MKLN1: variants seen among roughly 807,000 people sequenced by gnomAD.
MKLN1 encodes the protein muskelin.
A neutral mutation model predicts 99.0 loss-of-function variants in MKLN1; 18 were observed. The observed-to-expected ratio is 0.18, with a 90% CI of 0.13 to 0.27. MKLN1 has a LOEUF of 0.27. Ranked by LOEUF, MKLN1 falls within the 10% of genes least tolerant of loss-of-function variation. MKLN1 has a pLI of 1.00. For synonymous variants in MKLN1, 288 were observed against 293.2 expected, an observed-to-expected ratio of 0.98 and a Z score of 0.18; for missense variants, 621 against 875.9, an observed-to-expected ratio of 0.71 and a Z score of 3.67.
Position 131,189,507 on chromosome 7 carries a change from C to T in MKLN1, c.-296-13350C>T, listed in dbSNP as rs1351156131. On this transcript the variant is annotated intron_variant, in intron 2 of 7. Transcript: ENST00000416992. ...CTTCTTACGGTATTTCAGAATCCCCCTAGAAGTTTTTTATATTAAAAAACA... is the reference window on the plus strand; with the variant it reads ...CTTCTTACGGTATTTCAGAATCCCCTTAGAAGTTTTTTATATTAAAAAACA... Among the ~76,000 whole-genome samples the T allele has an allele frequency of 2.1e-5, 3 of 145,476 alleles. No homozygotes were observed. In the Admixed American group the frequency reaches 2.2e-4, roughly 11 times the overall value.
intron 3 of MKLN1, among the ~76,000 whole-genome samples, chr7:131,264,788 T>C (rs958491211): frequency 6.6e-6 from 1 of 152,206 alleles, no homozygotes; most frequent in Non-Finnish European, 1.5e-5. Context: ...ACTAACACTT[T>C]TTGTTTTGCA....
chr7:131,342,606 T>G (rs1260261173), intron 1 of MKLN1, among the ~76,000 whole-genome samples: 1 of 152,254 alleles, frequency 6.6e-6, no homozygotes, highest in African/African-American at 2.4e-5. Context: ...ATTAATCTTT[T>G]TCTCTTTGTT....
At chr7:131,236,303 C>T (rs964884285) in intron 3 of MKLN1, among the ~76,000 whole-genome samples, 1 of 152,096 alleles carries the variant, frequency 6.6e-6, no homozygotes, top group South Asian at 2.1e-4. Context: ...TGACAACACA[C>T]AAAACAAAGC....
At chr7:131,227,948 G>C (rs538203449) in intron 3 of MKLN1, among the ~76,000 whole-genome samples, 1 of 152,298 alleles carries the variant, frequency 6.6e-6, no homozygotes, top group South Asian at 2.1e-4. Context: ...TTCCAGCGCG[G>C]GATGATTTAT....
At position 131,411,286 on chromosome 7, in the gene MKLN1, T is replaced by A. The variant is rs750551865; in HGVS notation, c.704-20T>A. The A allele has an allele frequency of 2.0e-6, 3 of 1,506,632 alleles. No homozygotes were observed. In the Admixed American group the frequency reaches 5.0e-5, roughly 25 times the overall value. 93.3% of individuals were successfully genotyped at this position (1,506,632 alleles called of 1,614,324 possible). A position where few individuals can be genotyped will look rare whatever the true frequency, so the allele number is the denominator to read the frequency against. On this transcript the variant is annotated intron_variant, in intron 6 of 17. Coordinates refer to ENST00000352689, the MANE Select transcript of MKLN1 (RefSeq NM_013255.5). The stretch of plus-strand genomic sequence containing the variant: ...TAAGTAGTTAAGGTGTAATTCTTTC[T>A]CATTCTTCAATATTTGCAGATGGCT...
chr7:131,314,579 C>T (rs561887494), intron 3 of MKLN1, among the ~76,000 whole-genome samples: 85 of 151,924 alleles, frequency 5.6e-4, no homozygotes, highest in African/African-American at 1.9e-3. Context: ...CCTGCCACCA[C>T]GCCTAGCTAA....
At chr7:131,160,916 A>C (rs1398080617) in intron 2 of MKLN1, among the ~76,000 whole-genome samples, 3 of 152,128 alleles carry the variant, frequency 2.0e-5, no homozygotes, top group Non-Finnish European at 4.4e-5. Context: ...TATAGGAGCA[A>C]GTGGTTGCTT....
At chr7:131,311,841 T>C (rs1244698073) in intron 3 of MKLN1, among the ~76,000 whole-genome samples, 1 of 149,708 alleles carries the variant, frequency 6.7e-6, no homozygotes, top group Non-Finnish European at 1.5e-5. Flanking sequence ...TTTTTTTTTT[T>C]ACTTAAAAGG....
chr7:131,448,152 C>T (rs985458224), intron 12 of MKLN1, among the ~76,000 whole-genome samples: 5 of 152,044 alleles, frequency 3.3e-5, no homozygotes, highest in African/African-American at 9.7e-5. Flanking sequence ...GGCGTGAACC[C>T]GGGAGGTGGA....
chr7:131,247,235 C>CTTTTTTTCTT (rs1554542029), intron 3 of MKLN1, among the ~76,000 whole-genome samples: 1 of 141,148 alleles, frequency 7.1e-6, no homozygotes, highest in Non-Finnish European at 1.5e-5. Flanking sequence ...TTTCTTTTTT[C>CTTTTTTTCTT]TTTTTTTTTT....
intron 3 of MKLN1, among the ~76,000 whole-genome samples, chr7:131,283,011 G>A (rs1282234645): frequency 6.6e-6 from 1 of 152,204 alleles, no homozygotes; most frequent in Non-Finnish European, 1.5e-5. Flanking sequence ...CGGGCACCTA[G>A]TAAGGGAGGG....
chr7:131,188,709 C>G (rs548446761), intron 2 of MKLN1, among the ~76,000 whole-genome samples: 2 of 152,290 alleles, frequency 1.3e-5, no homozygotes, highest in African/African-American at 4.8e-5. Context: ...GGAGGAGCTG[C>G]AAAGTCACAT....
intron 3 of MKLN1, among the ~76,000 whole-genome samples, chr7:131,234,607 A>C (rs1328417476): frequency 6.6e-6 from 1 of 152,208 alleles, no homozygotes. Context: ...GTGTGGACTT[A>C]GGGATGATGT....
intron 3 of MKLN1, among the ~76,000 whole-genome samples, chr7:131,315,658 C>G (rs1343896056): frequency 6.6e-6 from 1 of 152,174 alleles, no homozygotes; most frequent in Non-Finnish European, 1.5e-5. Context: ...GCTTGAAATT[C>G]TCACTGCCAG....
At chr7:131,424,833 A>G (rs1795311030) in intron 8 of MKLN1, among the ~76,000 whole-genome samples, 1 of 152,190 alleles carries the variant, frequency 6.6e-6, no homozygotes, top group African/African-American at 2.4e-5. Flanking sequence ...TCAGTCCTGT[A>G]TGCTGCAAGT....
rs559258222 is a variant in MKLN1 at position 131,262,455 on chromosome 7, T to A, written c.-179+59481T>A. Reference sequence around the variant, plus strand: ...CCGTCTCAAAAATAAAAGAAAAGAATAACTCCCCACTACCCCCTCCTCCAA... The same window carrying A: ...CCGTCTCAAAAATAAAAGAAAAGAAAAACTCCCCACTACCCCCTCCTCCAA... On this transcript the variant is annotated intron_variant, in intron 3 of 7. Coordinates refer to the MKLN1 transcript ENST00000416992. Among the ~76,000 whole-genome samples the A allele has an allele frequency of 3.9e-5, 6 of 152,036 alleles. No individual in the cohort carries two copies. In the East Asian group the frequency reaches 7.8e-4, roughly 20 times the overall value.
intron 4 of MKLN1, among the ~76,000 whole-genome samples, chr7:131,393,038 C>T (rs936873875): frequency 2.6e-5 from 4 of 152,068 alleles, no homozygotes; most frequent in Non-Finnish European, 5.9e-5. Flanking sequence ...CACACCACCA[C>T]ACCTGGCTAA....
intron 6 of MKLN1, among the ~76,000 whole-genome samples, chr7:131,400,675 GCAAAACA>G (rs1794514017): frequency 6.6e-6 from 1 of 151,512 alleles, no homozygotes; most frequent in Non-Finnish European, 1.5e-5. Flanking sequence ...TGAAGGGAAA[GCAAAACA>G]ACAGCCACAG....
At chr7:131,255,880 C>CTATTTATTTATT (rs3077583) in intron 3 of MKLN1, among the ~76,000 whole-genome samples, 17 of 135,276 alleles carry the variant, frequency 1.3e-4, no homozygotes, top group Non-Finnish European at 2.0e-4. Flanking sequence ...TGTGCCCGAC[C>CTATTTATTTATT]TATTTATTTA....
Sources: allele counts gnomAD v4.1 joint callset (sites outside exome capture counted in the v4.1 genomes callset), GRCh38; gene constraint gnomAD v4.1.1; transcripts MANE v1.5; gene names NCBI Gene and HGNC (gene_info 2026-07-23, HGNC 2026-07-21).